The following DESI1 variants were observed in gnomAD, a reference collection of about 807,000 sequenced individuals.
DESI1 encodes desumoylating isopeptidase 1, also known as PPPDE peptidase domain containing 2.
DESI1 carries 17 observed loss-of-function variants against 22.4 expected under a neutral mutation model. The ratio of observed to expected loss-of-function variants is 0.76; its 90% CI spans 0.52 to 1.14. The LOEUF (loss-of-function observed/expected upper bound fraction) is 1.14, where lower values mean the gene tolerates loss of function less well. Ranked by LOEUF, DESI1 falls within the 50% of genes most tolerant of loss-of-function variation. DESI1 has a pLI of 0.00. For synonymous variants in DESI1, 92 were observed against 84.2 expected, an observed-to-expected ratio of 1.09 and a Z score of -0.51; for missense variants, 177 against 208.9, an observed-to-expected ratio of 0.85 and a Z score of 0.94.
In DESI1 at chr22:41,599,269, C is replaced by T. The variant is rs955197640; in HGVS notation, c.*1828G>A. 1 of 152,158 alleles carries T rather than the reference C, an allele frequency of 6.6e-6. No homozygotes were observed. The highest frequency in any genetic ancestry group is 1.5e-5 in the Non-Finnish European group (1 of 68,050). The allele number at this position is 152,158 out of a possible 1,614,324, so 9.4% of individuals were successfully genotyped here. A position where few individuals can be genotyped will look rare whatever the true frequency, so the allele number is the denominator to read the frequency against. ...GGATGTCAGACCTGAGACTCGGGTA[C>T]CTGGCAGCTCTGAGTCCCTTCTTCA... On this transcript the variant is annotated 3_prime_UTR_variant, in exon 6 of 6. Coordinates refer to ENST00000263256, the MANE Select transcript of DESI1 (RefSeq NM_015704.3).
Position 41,601,098 on chromosome 22 carries a change from T to A in DESI1, c.506A>T (p.Ter169LeuextTer16). ...SSVGRPNGQS[*>L] Reference sequence around the variant, plus strand: ...GCAGGGCGGTCCCAGGCAGTCCTGTTAGCTCTGGCCGTTGGGTCTGCCCAC... The same window carrying A: ...GCAGGGCGGTCCCAGGCAGTCCTGTAAGCTCTGGCCGTTGGGTCTGCCCAC... The change falls in exon 6 of 6, where the codon TAA becomes TTA. Residue 169 changes from the stop codon to leucine, a stop_lost. Transcript: ENST00000263256. The A allele has an allele frequency of 6.2e-7, 1 of 1,613,036 alleles. No homozygotes were observed. Among genetic ancestry groups the A allele is most frequent in the Non-Finnish European group, 8.5e-7 (1 of 1,179,536 alleles).
Position 41,620,929 on chromosome 22 carries a change from G to T in DESI1, c.-90C>A. On this transcript the variant is annotated 5_prime_UTR_variant, in exon 1 of 6. Coordinates refer to ENST00000263256, the MANE Select transcript of DESI1 (RefSeq NM_015704.3). ...GTACCCGACGGGAGTGCGAAGCGGA[G>T]GGAGAGGGGGGGACCGAGCCCGGGC... 6.8e-7 allele frequency: 1 copy of T among 1,462,150 alleles called. No individual in the cohort carries two copies. Among genetic ancestry groups the T allele is most frequent in the African/African-American group, 1.4e-5 (1 of 70,942 alleles). The allele number at this position is 1,462,150 out of a possible 1,614,324, so 90.6% of individuals were successfully genotyped here.
chr22:41,604,749 A>T (rs796929855), intron 3 of DESI1, among the ~76,000 whole-genome samples: 3 of 152,130 alleles, frequency 2.0e-5, no homozygotes, highest in African/African-American at 4.8e-5. Flanking sequence ...AAAAAAAGAT[A>T]AAAAAATCTC....
chr22:41,619,901 C>G (rs1221028909), intron 1 of DESI1, among the ~76,000 whole-genome samples: 1 of 152,132 alleles, frequency 6.6e-6, no homozygotes, highest in Non-Finnish European at 1.5e-5. Context: ...CATTGTTACC[C>G]GAAATTACAA....
rs981189278 is a variant in DESI1, at chr22:41,603,023, T to C, written c.413+236A>G. 49 of 660,034 alleles carry C rather than the reference T, an allele frequency of 7.4e-5. No homozygotes were observed. In the East Asian group the frequency reaches 9.2e-4, roughly 12 times the overall value. The allele number at this position is 660,034 out of a possible 1,614,324, so 40.9% of individuals were successfully genotyped here. A position where few individuals can be genotyped will look rare whatever the true frequency, so the allele number is the denominator to read the frequency against. ...TACTGAAGCCAGTGTCAAGTGGGTG[T>C]CTAAGTTCTGTGGTTGCACTTAGGC... On this transcript the variant is annotated intron_variant, in intron 5 of 5. Coordinates refer to ENST00000263256, the MANE Select transcript of DESI1 (RefSeq NM_015704.3).
At chr22:41,615,272 TAAAAA>T (rs58574960) in intron 1 of DESI1, among the ~76,000 whole-genome samples, 2 of 108,522 alleles carry the variant, frequency 1.8e-5, no homozygotes, top group South Asian at 6.1e-4. Context: ...TACTAAAAAT[TAAAAA>T]AAAAAAAAAA....
rs1292485597 is a variant in DESI1 at position 41,598,834 on chromosome 22, T to C, written c.*2263A>G. The stretch of plus-strand genomic sequence containing the variant: ...GAAGAAACCCAGCCTCAGAAATTCT[T>C]TCTCTTTGGGCCCAATTCTGCTAGT... On this transcript the variant is annotated 3_prime_UTR_variant, in exon 6 of 6. Transcript: ENST00000263256. 1.3e-5 allele frequency: 2 copies of C among 152,338 alleles called. No homozygotes were observed. The highest frequency in any genetic ancestry group is 6.5e-5 in the Admixed American group (1 of 15,286). 9.4% of individuals were successfully genotyped at this position (152,338 alleles called of 1,614,324 possible).
intron 1 of DESI1, among the ~76,000 whole-genome samples, chr22:41,612,730 G>A (rs1218915965): frequency 6.6e-6 from 1 of 150,738 alleles, no homozygotes; most frequent in Non-Finnish European, 1.5e-5. Flanking sequence ...CAGTTGCTGA[G>A]ACTATATGTG....
rs1167087043 is a variant in DESI1, at chr22:41,599,865, C to T, written c.*1232G>A. 1 of 144,528 alleles carries T rather than the reference C, an allele frequency of 6.9e-6. No homozygotes were observed. The highest frequency in any genetic ancestry group is 1.5e-5 in the Non-Finnish European group (1 of 65,382). 9.0% of individuals were successfully genotyped at this position (144,528 alleles called of 1,614,324 possible). ...TGAGCCACCGCGCCAGGCCTCACAT[C>T]ATTATTCTTTCCATATCAAAGGTAT... is the stretch of plus-strand genomic sequence containing the variant. On this transcript the variant is annotated 3_prime_UTR_variant, in exon 6 of 6. Transcript: ENST00000263256.
chr22:41,602,634 G>A, intron 5 of DESI1: 1 of 986,806 alleles, frequency 1.0e-6, no homozygotes, highest in African/African-American at 1.7e-5. Context: ...AACGACAAGA[G>A]GGAGGAGGTG....
chr22:41,616,835 C>T (rs963012832), intron 1 of DESI1, among the ~76,000 whole-genome samples: 3 of 152,086 alleles, frequency 2.0e-5, no homozygotes, highest in Non-Finnish European at 4.4e-5. Flanking sequence ...GCTAAAACTA[C>T]GGAATTTACA....
Position 41,620,984 on chromosome 22 carries a change from C to G in DESI1, c.-145G>C, listed in dbSNP as rs913157050. On this transcript the variant is annotated 5_prime_UTR_variant, in exon 1 of 6. Coordinates refer to ENST00000263256, the MANE Select transcript of DESI1 (RefSeq NM_015704.3). Reference sequence around the variant, plus strand: ...GCTGAGGGGTGGGGGAGAGGCCGCCCTGCGCTGCTCGCGCCCCCACACCCG... The same window carrying G: ...GCTGAGGGGTGGGGGAGAGGCCGCCGTGCGCTGCTCGCGCCCCCACACCCG... The G allele has an allele frequency of 9.6e-6, 8 of 833,420 alleles. No individual in the cohort carries two copies. The highest frequency in any genetic ancestry group is 1.3e-5 in the Non-Finnish European group (7 of 542,902). The allele number at this position is 833,420 out of a possible 1,614,324, so 51.6% of individuals were successfully genotyped here. A position where few individuals can be genotyped will look rare whatever the true frequency, so the allele number is the denominator to read the frequency against.
chr22:41,600,496 T>C lies in DESI1; in HGVS notation c.*601A>G, dbSNP rs561012044. ...TATCCTGTTTTCTCCGGCCTGATAC[T>C]TGCTGTTACTCCCTTGATCCGGAGG... On this transcript the variant is annotated 3_prime_UTR_variant, in exon 6 of 6. Coordinates refer to ENST00000263256, the MANE Select transcript of DESI1 (RefSeq NM_015704.3). 6.6e-6 allele frequency: 1 copy of C among 152,610 alleles called. No individual in the cohort carries two copies. Among genetic ancestry groups the C allele is most frequent in the South Asian group, 2.1e-4 (1 of 4,838 alleles). The allele number at this position is 152,610 out of a possible 1,614,324, so 9.5% of individuals were successfully genotyped here.
chr22:41,621,005 A>C lies in DESI1; in HGVS notation c.-166T>G. ...CGCCCTGCGCTGCTCGCGCCCCCAC[A>C]CCCGCTACCGGCAACGACTACTGTG... On this transcript the variant is annotated 5_prime_UTR_variant, in exon 1 of 6. Transcript: ENST00000263256. 1 of 683,892 alleles carries C rather than the reference A, an allele frequency of 1.5e-6. No homozygotes were observed. Among genetic ancestry groups the C allele is most frequent in the East Asian group, 2.9e-5 (1 of 34,444 alleles). 42.4% of individuals were successfully genotyped at this position (683,892 alleles called of 1,614,324 possible). A position where few individuals can be genotyped will look rare whatever the true frequency, so the allele number is the denominator to read the frequency against.
chr22:41,604,173 G>C lies in DESI1; in HGVS notation c.181-20C>G. On this transcript the variant is annotated intron_variant, in intron 3 of 5. Coordinates refer to ENST00000263256, the MANE Select transcript of DESI1 (RefSeq NM_015704.3). The stretch of plus-strand genomic sequence containing the variant: ...CCCTCCCTAAAAGAGCCAACCCAAA[G>C]GAAGTCATTAAGTTACCATCTCCAC... 1 of 1,607,600 alleles carries C rather than the reference G, an allele frequency of 6.2e-7. No homozygotes were observed. The highest frequency in any genetic ancestry group is 8.5e-7 in the Non-Finnish European group (1 of 1,176,210).
intron 1 of DESI1, among the ~76,000 whole-genome samples, chr22:41,618,435 T>C (rs927370619): frequency 1.3e-5 from 2 of 152,318 alleles, no homozygotes; most frequent in South Asian, 2.1e-4. Flanking sequence ...AAGGCACTTA[T>C]GCAATTTGTA....
intron 2 of DESI1, 119 bp downstream of exon 2, chr22:41,607,721 G>T: frequency 8.3e-7 from 1 of 1,209,130 alleles, no homozygotes; most frequent in Non-Finnish European, 1.2e-6. Flanking sequence ...TTTAGGGCTT[G>T]AAGATTTATA....
In DESI1 at chr22:41,599,594, C is replaced by G. The variant is rs2067438290; in HGVS notation, c.*1503G>C. 6.6e-6 allele frequency: 1 copy of G among 152,158 alleles called. No homozygotes were observed. Among genetic ancestry groups the G allele is most frequent in the South Asian group, 2.1e-4 (1 of 4,832 alleles). 9.4% of individuals were successfully genotyped at this position (152,158 alleles called of 1,614,324 possible). A position where few individuals can be genotyped will look rare whatever the true frequency, so the allele number is the denominator to read the frequency against. On this transcript the variant is annotated 3_prime_UTR_variant, in exon 6 of 6. Transcript: ENST00000263256. ...TATTTTTTTGAGATGGAGTCTCACT[C>G]TGTCGCCCAGGCTGGAGTGCACTGG...
chr22:41,616,115 TG>T (rs2067549160), intron 1 of DESI1, among the ~76,000 whole-genome samples: 1 of 151,992 alleles, frequency 6.6e-6, no homozygotes, highest in South Asian at 2.1e-4. Context: ...TGGTGGCACA[TG>T]TCTGTAATCC....
Sources: allele counts gnomAD v4.1 joint callset (sites outside exome capture counted in the v4.1 genomes callset), GRCh38; gene constraint gnomAD v4.1.1; transcripts MANE v1.5; gene names NCBI Gene and HGNC (gene_info 2026-07-23, HGNC 2026-07-21).